SLC4A8: variants seen among roughly 807,000 people sequenced by gnomAD.
SLC4A8 encodes the protein electroneutral sodium bicarbonate exchanger 1.
SLC4A8 carries 40 observed loss-of-function variants against 125.0 expected under a neutral mutation model. That is an observed-to-expected ratio of 0.32 (90% CI 0.25 to 0.42). The LOEUF (loss-of-function observed/expected upper bound fraction) is 0.42. SLC4A8 is among the 10% of genes least tolerant of loss of function. The pLI is 1.00. For synonymous variants in SLC4A8, 456 were observed against 476.0 expected (o/e 0.96, Z 0.55); for missense variants, 863 against 1,355.1 (o/e 0.64, Z 5.70).
intron 11 of SLC4A8, among the ~76,000 whole-genome samples, chr12:51,464,942 G>A (rs774983324): frequency 2.6e-5 from 4 of 152,186 alleles, no homozygotes; most frequent in Non-Finnish European, 5.9e-5. Context: ...GTATTGGAGG[G>A]TAGGGGAAGA....
intron 16 of SLC4A8, among the ~76,000 whole-genome samples, chr12:51,479,548 G>A (rs758767091): frequency 1.3e-5 from 2 of 152,074 alleles, no homozygotes; most frequent in East Asian, 1.9e-4. Flanking sequence ...TTAGCTGGGC[G>A]TGGTGGTGCA....
chr12:51,453,816 C>T (rs1321655834), intron 5 of SLC4A8, 117 bp downstream of exon 5: 3 of 726,914 alleles, frequency 4.1e-6, no homozygotes, highest in Non-Finnish European at 6.2e-6. Context: ...GGGCAAGCCA[C>T]AACCTTCCTG....
rs1938420357 is a variant in SLC4A8, at chr12:51,513,042, G to C, written c.*5604G>C. On this transcript the variant is annotated 3_prime_UTR_variant, in exon 25 of 25. Coordinates refer to ENST00000453097, the MANE Select transcript of SLC4A8 (RefSeq NM_001039960.3). ...AATGCCCTGATAAGCTTGTGGTATAGAGGTAGGAAGGGAGGGAGGCCAGAG... is the reference window on the plus strand; with the variant it reads ...AATGCCCTGATAAGCTTGTGGTATACAGGTAGGAAGGGAGGGAGGCCAGAG... 2 of 152,348 alleles carry C rather than the reference G, an allele frequency of 1.3e-5. No individual in the cohort carries two copies. The highest frequency in any genetic ancestry group is 3.4e-3 in the Middle Eastern group (1 of 294). 9.4% of individuals were successfully genotyped at this position (152,348 alleles called of 1,614,324 possible). A position where few individuals can be genotyped will look rare whatever the true frequency, so the allele number is the denominator to read the frequency against.
intron 10 of SLC4A8, among the ~76,000 whole-genome samples, chr12:51,463,201 A>G (rs1371333152): frequency 6.6e-6 from 1 of 152,214 alleles, no homozygotes. Flanking sequence ...TCCCAGGAAC[A>G]TCCCTCAAAA....
intron 16 of SLC4A8, among the ~76,000 whole-genome samples, chr12:51,483,910 C>A (rs899472951): frequency 6.6e-6 from 1 of 152,054 alleles, no homozygotes; most frequent in African/African-American, 2.4e-5. Flanking sequence ...CACAACAGGC[C>A]CCGGTGTGTG....
intron 2 of SLC4A8, among the ~76,000 whole-genome samples, chr12:51,449,519 A>G (rs1949895902): frequency 6.6e-6 from 1 of 152,098 alleles, no homozygotes; most frequent in East Asian, 1.9e-4. Context: ...ACAGTGGCTA[A>G]GGATTAGAAC....
chr12:51,425,019 G>A lies in SLC4A8; in HGVS notation c.32G>A (p.Gly11Asp). ...GCCGCCGGGAGTAACGAGCCGGACG[G>A]CGTCCTCAGCTATCAGGTAGGGCCC... MPAAGSNEPD[G>D]VLSYQRPDEE... The change falls in exon 1 of 25, where the codon GGC becomes GAC. Residue 11 changes from glycine to aspartate, a missense_variant. Gly to Asp is a moderately conservative substitution (Grantham distance 94). This residue lies in a region of SLC4A8 where 104 missense variants were observed against 116.4 expected (regional missense o/e 0.89). Transcript: ENST00000453097. The A allele has an allele frequency of 6.4e-7, 1 of 1,556,846 alleles. No homozygotes were observed. Among genetic ancestry groups the A allele is most frequent in the Non-Finnish European group, 8.7e-7 (1 of 1,150,944 alleles).
intron 1 of SLC4A8, among the ~76,000 whole-genome samples, chr12:51,432,324 T>C (rs1219036381): frequency 6.9e-6 from 1 of 144,912 alleles, no homozygotes; most frequent in South Asian, 2.2e-4. Flanking sequence ...GGCAGGAGAA[T>C]GGCATGAACC....
intron 1 of SLC4A8, among the ~76,000 whole-genome samples, chr12:51,403,788 C>A (rs1592140574): frequency 6.6e-6 from 1 of 152,286 alleles, no homozygotes; most frequent in African/African-American, 2.4e-5. Flanking sequence ...CATTGAGATT[C>A]TTCCCATGTC....
chr12:51,433,183 C>T (rs1041572418), intron 1 of SLC4A8, among the ~76,000 whole-genome samples: 1 of 152,190 alleles, frequency 6.6e-6, no homozygotes, highest in Non-Finnish European at 1.5e-5. Flanking sequence ...AGTTATAATT[C>T]ATTCATTTTT....
At chr12:51,392,571 C>A (rs201771559) in intron 1 of SLC4A8, among the ~76,000 whole-genome samples, 145 of 119,134 alleles carry the variant, frequency 1.2e-3, no homozygotes, top group African/African-American at 1.6e-3. Context: ...GATTCCGTAT[C>A]AAAAAAAAAA....
intron 8 of SLC4A8, among the ~76,000 whole-genome samples, chr12:51,460,873 G>C (rs1179962674): frequency 6.6e-6 from 1 of 152,162 alleles, no homozygotes; most frequent in Admixed American, 6.5e-5. Context: ...AGAACAATAA[G>C]TGGAATTCAG....
At chr12:51,405,675 C>T (rs1047487359) in intron 1 of SLC4A8, among the ~76,000 whole-genome samples, 13 of 152,206 alleles carry the variant, frequency 8.5e-5, no homozygotes, top group African/African-American at 2.7e-4. Context: ...GGATTACAAG[C>T]GTGAGCTACC....
At chr12:51,459,448 AT>A (rs879807521) in intron 7 of SLC4A8, among the ~76,000 whole-genome samples, 41 of 146,302 alleles carry the variant, frequency 2.8e-4, no homozygotes, top group Admixed American at 6.8e-4. Context: ...CAAATACTTC[AT>A]TTTTTTTTTT....
intron 2 of SLC4A8, among the ~76,000 whole-genome samples, chr12:51,445,595 T>A (rs1949749011): frequency 6.6e-6 from 1 of 152,150 alleles, no homozygotes; most frequent in Non-Finnish European, 1.5e-5. Context: ...CTGGCCCTAC[T>A]GGCCATCCTT....
In SLC4A8 at chr12:51,462,404, G is replaced by A; in HGVS notation, c.1196G>A (p.Gly399Glu). The change falls in exon 10 of 25, where the codon GGA becomes GAA. Residue 399 changes from glycine to glutamate, a missense_variant. Gly to Glu is a moderately conservative substitution (Grantham distance 98). Around this residue, in one of 6 missense-constraint regions of SLC4A8, gnomAD observed 390 missense variants for 634.4 expected, o/e 0.61. Coordinates refer to ENST00000453097, the MANE Select transcript of SLC4A8 (RefSeq NM_001039960.3). ...FLDQVTVLPP[G>E]EWDPSIRIEP... ...GACCAGGTGACGGTGCTCCCTCCAG[G>A]AGAGTGGGATCCCTCCATTAGAATT... 6.2e-7 allele frequency: 1 copy of A among 1,607,122 alleles called. No homozygotes were observed. Among genetic ancestry groups the A allele is most frequent in the Non-Finnish European group, 8.5e-7 (1 of 1,177,884 alleles).
chr12:51,404,418 C>T (rs1948451036), intron 1 of SLC4A8, among the ~76,000 whole-genome samples: 2 of 152,148 alleles, frequency 1.3e-5, no homozygotes, highest in Admixed American at 6.5e-5. Context: ...TCCCTAGCGC[C>T]AGCCAGGTGA....
chr12:51,447,696 G>A (rs1949819448), intron 2 of SLC4A8, among the ~76,000 whole-genome samples: 1 of 151,020 alleles, frequency 6.6e-6, no homozygotes, highest in African/African-American at 2.4e-5. Flanking sequence ...GATTCTCTGT[G>A]AGCATGTGGG....
At chr12:51,485,408 A>G (rs1276114189) in intron 16 of SLC4A8, among the ~76,000 whole-genome samples, 1 of 152,094 alleles carries the variant, frequency 6.6e-6, no homozygotes, top group Non-Finnish European at 1.5e-5. Context: ...TAGACTGGCT[A>G]TTGGGTATGA....
Sources: gnomAD v4.1 joint callset for allele counts (sites outside exome capture counted in the v4.1 genomes callset) on GRCh38, gnomAD v4.1.1 for gene constraint, gnomAD v4.1.1 regional missense constraint, MANE v1.5 for transcripts, NCBI Gene and HGNC (gene_info 2026-07-23, HGNC 2026-07-21) for gene names.